The following HS6ST2 variants were observed in gnomAD, a reference collection of about 807,000 sequenced individuals.
The protein encoded by HS6ST2 is heparan-sulfate 6-O-sulfotransferase 2.
In HS6ST2, 17 loss-of-function variants were observed where a neutral mutation model predicts 33.0. The ratio of observed to expected loss-of-function variants is 0.52; its 90% confidence interval spans 0.35 to 0.77. HS6ST2 has a LOEUF of 0.77. Ranked by LOEUF, HS6ST2 falls within the 30% of genes least tolerant of loss-of-function variation. The pLI, the probability that HS6ST2 is intolerant of heterozygous loss-of-function variation, is 0.01. For synonymous variants in HS6ST2, 248 were observed against 237.1 expected, an observed-to-expected ratio of 1.05 and a Z score of -0.42; for missense variants, 519 against 551.7, an observed-to-expected ratio of 0.94 and a Z score of 0.59.
At chrX:132,949,072 T>C (rs2066984119) in intron 2 of HS6ST2, among the ~76,000 whole-genome samples, 2 of 111,635 alleles carry the variant, frequency 1.8e-5, no homozygotes, top group Non-Finnish European at 3.8e-5. Context: ...TCTTATGCAG[T>C]GAAACTTCTC....
intron 2 of HS6ST2, among the ~76,000 whole-genome samples, chrX:132,887,107 C>T (rs1381788069): frequency 1.8e-5 from 2 of 109,412 alleles, no homozygotes; most frequent in Non-Finnish European, 3.8e-5. Flanking sequence ...GCACTCCAGC[C>T]TTGGTGACAG....
chrX:132,728,025 T>C (rs919089593), intron 2 of HS6ST2, among the ~76,000 whole-genome samples: 12 of 112,260 alleles, frequency 1.1e-4, no homozygotes, highest in Admixed American at 9.4e-4. Flanking sequence ...ACAGCACGTT[T>C]TGTTTATCCA....
At chrX:132,751,046 C>G (rs1399407031) in intron 2 of HS6ST2, among the ~76,000 whole-genome samples, 1 of 112,048 alleles carries the variant, frequency 8.9e-6, no homozygotes, top group African/African-American at 3.2e-5. Context: ...CACATGTGGT[C>G]CTGGTAGAGC....
chrX:132,726,654 C>G (rs1333959864), intron 2 of HS6ST2, among the ~76,000 whole-genome samples: 1 of 112,262 alleles, frequency 8.9e-6, no homozygotes, highest in Non-Finnish European at 1.9e-5. Flanking sequence ...CTTTAGCTGT[C>G]CCTGGCCTAT....
At chrX:132,660,624 G>A (rs2063764459) in intron 4 of HS6ST2, among the ~76,000 whole-genome samples, 1 of 111,388 alleles carries the variant, frequency 9.0e-6, no homozygotes, top group South Asian at 3.8e-4. Flanking sequence ...AGTGCTATGG[G>A]AATCTAGCTT....
chrX:132,665,530 T>C (rs1015600030), intron 4 of HS6ST2, among the ~76,000 whole-genome samples: 2 of 111,928 alleles, frequency 1.8e-5, no homozygotes, highest in African/African-American at 6.5e-5. Context: ...TGGTGGCTAC[T>C]ACACATGCCC....
intron 3 of HS6ST2, among the ~76,000 whole-genome samples, chrX:132,706,666 A>G (rs966071002): frequency 8.9e-6 from 1 of 112,367 alleles, no homozygotes; most frequent in African/African-American, 3.2e-5. Context: ...GATTACAAAA[A>G]TCTATTCAGA....
chrX:132,854,160 C>G (rs1049040510), intron 2 of HS6ST2, among the ~76,000 whole-genome samples: 2 of 112,508 alleles, frequency 1.8e-5, no homozygotes, highest in Non-Finnish European at 3.8e-5. Context: ...AGCTTTTACT[C>G]TATCGCTAGT....
At chrX:132,774,666 T>A (rs770032532) in intron 2 of HS6ST2, among the ~76,000 whole-genome samples, 80 of 110,997 alleles carry the variant, frequency 7.2e-4, no homozygotes, top group African/African-American at 2.5e-3. Context: ...TTTAAAGGAG[T>A]TTCCCCTTCA....
rs190667539 is a variant in HS6ST2, at chrX:132,697,844, A to C, written c.980+10618T>G. Among the ~76,000 whole-genome samples the C allele has an allele frequency of 1.6e-4, 18 of 112,116 alleles. 1 individual carries two copies. The highest frequency in any genetic ancestry group is 5.8e-4 in the African/African-American group (18 of 30,918). ...CTGTACTCCCAGTGCCTGGCAGAGT[A>C]GTTGCTCAAGTAAACACCCATGGAG... is the stretch of plus-strand genomic sequence containing the variant. On this transcript the variant is annotated intron_variant, in intron 3 of 4. Transcript: ENST00000370833.
chrX:132,628,662 T>C lies in HS6ST2; in HGVS notation c.1499A>G (p.Asn500Ser). 8.3e-7 allele frequency: 1 copy of C among 1,211,201 alleles called. No homozygotes were observed. The highest frequency in any genetic ancestry group is 1.1e-6 in the Non-Finnish European group (1 of 894,882). Residue 500 changes from asparagine to serine, a missense_variant, in exon 5 of 5, where the codon AAT becomes AGT. Coordinates refer to ENST00000370833, the MANE Select transcript of HS6ST2 (RefSeq NM_001394073.1). ...CTCTACACTAGAGGCCCTAGTGGTA[T>C]TATACTGGGTAAATGGCGAAATAAA... The part of the protein sequence containing the change: ...MNFISPFTQY[N>S]TTRASSVEIN...
intron 2 of HS6ST2, among the ~76,000 whole-genome samples, chrX:132,847,368 C>T (rs192048114): frequency 2.2e-3 from 248 of 111,243 alleles, no homozygotes; most frequent in African/African-American, 8.0e-3. Flanking sequence ...GTATACCATC[C>T]CCCAAGCCAT....
intron 2 of HS6ST2, among the ~76,000 whole-genome samples, chrX:132,792,318 C>T (rs2065125587): frequency 8.9e-6 from 1 of 111,816 alleles, no homozygotes; most frequent in Admixed American, 9.5e-5. Context: ...GGAATTAGAA[C>T]TTCAAAAACT....
intron 2 of HS6ST2, among the ~76,000 whole-genome samples, chrX:132,936,949 T>G (rs1299438571): frequency 9.0e-6 from 1 of 111,169 alleles, no homozygotes; most frequent in Non-Finnish European, 1.9e-5. Context: ...CATTGTCTTA[T>G]ATATAGAAAA....
intron 2 of HS6ST2, among the ~76,000 whole-genome samples, chrX:132,734,870 A>G (rs1284547381): frequency 8.9e-6 from 1 of 111,912 alleles, no homozygotes; most frequent in Non-Finnish European, 1.9e-5. Context: ...GTCATCTATG[A>G]ATGAGAACAG....
rs746776172 is a variant in HS6ST2, at chrX:132,771,585, A to G, written c.948-63091T>C. 2.7e-5 allele frequency among the ~76,000 whole-genome samples: 3 copies of G among 111,863 alleles called. No homozygotes were observed. The Admixed American group carries it at 2.9e-4, about 11-fold the overall frequency. On this transcript the variant is annotated intron_variant, in intron 2 of 4. Coordinates refer to ENST00000370833, the MANE Select transcript of HS6ST2 (RefSeq NM_001394073.1). ...AATGAAGACAACTTTTAATTCTTCA[A>G]TTAGGCTCAAAAGAAGGAAATGGGG...
intron 2 of HS6ST2, among the ~76,000 whole-genome samples, chrX:132,888,630 G>A (rs1451931228): frequency 9.0e-6 from 1 of 111,000 alleles, no homozygotes; most frequent in African/African-American, 3.3e-5. Context: ...TCAGCCTCCC[G>A]AGTAGCTGGA....
chrX:132,797,533 G>A (rs901362357), intron 2 of HS6ST2, among the ~76,000 whole-genome samples: 3 of 112,391 alleles, frequency 2.7e-5, no homozygotes, highest in South Asian at 3.7e-4. Context: ...CTCTGAGTGC[G>A]AACAGAGGTT....
At chrX:132,800,276 T>G (rs985934263) in intron 2 of HS6ST2, among the ~76,000 whole-genome samples, 1 of 111,569 alleles carries the variant, frequency 9.0e-6, no homozygotes, top group Non-Finnish European at 1.9e-5. Flanking sequence ...GGATCTAAGT[T>G]GTGTGCTCTT....
Sources: allele counts gnomAD v4.1 joint callset (sites outside exome capture counted in the v4.1 genomes callset), GRCh38; gene constraint gnomAD v4.1.1; transcripts MANE v1.5; gene names NCBI Gene and HGNC (gene_info 2026-07-23, HGNC 2026-07-21).